CORO2B: variants seen among roughly 807,000 people sequenced by gnomAD.
The protein encoded by CORO2B is coronin-2B.
A neutral mutation model predicts 58.8 loss-of-function variants in CORO2B; 26 were observed. The observed-to-expected ratio is 0.44, with a 90% CI of 0.32 to 0.61. CORO2B has a LOEUF of 0.61. Ranked by LOEUF, CORO2B falls within the 20% of genes least tolerant of loss-of-function variation. The pLI, the probability that CORO2B is intolerant of heterozygous loss-of-function variation, is 0.04. For missense variants in CORO2B, 460 were observed against 645.1 expected (o/e 0.71, Z 3.11); for synonymous variants, 242 against 253.8 (o/e 0.95, Z 0.44).
chr15:68,626,708 C>G (rs750919053), intron 1 of CORO2B, among the ~76,000 whole-genome samples: 8 of 152,192 alleles, frequency 5.3e-5, no homozygotes, highest in Non-Finnish European at 1.2e-4. Flanking sequence ...GCCCCATCAT[C>G]AAGTCCATTT....
intron 3 of CORO2B, among the ~76,000 whole-genome samples, chr15:68,699,754 C>G (rs1416933746): frequency 6.6e-6 from 1 of 152,146 alleles, no homozygotes; most frequent in African/African-American, 2.4e-5. Flanking sequence ...AAGGGAGGTG[C>G]CTTGCCCAAG....
At chr15:68,575,577 G>GCGCCCCCCC (rs370419859), upstream of CORO2B, among the ~76,000 whole-genome samples, 3 of 38,752 alleles carry the variant, frequency 7.7e-5, no homozygotes, top group Non-Finnish European at 1.7e-4. Flanking sequence ...CTTGTGATCT[G>GCGCCCCCCC]CCCCCGCCTC....
At chr15:68,551,506 T>C in the CORO2B span, among the ~76,000 whole-genome samples, 1 of 152,130 alleles carries the variant, frequency 6.6e-6, no homozygotes. Flanking sequence ...TCCTCTTTCC[T>C]GAGGAGTGAA....
chr15:68,555,154 T>C, the CORO2B span, among the ~76,000 whole-genome samples: 2 of 152,164 alleles, frequency 1.3e-5, no homozygotes, highest in African/African-American at 2.4e-5. Flanking sequence ...TTTCCTCCCC[T>C]GCACTGAATG....
At chr15:68,545,515 C>T in the CORO2B span, among the ~76,000 whole-genome samples, 1 of 151,526 alleles carries the variant, frequency 6.6e-6, no homozygotes, top group African/African-American at 2.4e-5. Flanking sequence ...TTGGCCTTCC[C>T]ATCTTCTGGA....
chr15:68,626,834 A>G (rs374080561), intron 1 of CORO2B, among the ~76,000 whole-genome samples: 34 of 152,334 alleles, frequency 2.2e-4, no homozygotes, highest in African/African-American at 8.2e-4. Flanking sequence ...GTCTGGTCAG[A>G]GGCTGGGGCC....
intron 1 of CORO2B, among the ~76,000 whole-genome samples, chr15:68,623,727 C>G (rs536928977): frequency 6.6e-6 from 1 of 152,300 alleles, no homozygotes; most frequent in Non-Finnish European, 1.5e-5. Context: ...GGAGGGCAGG[C>G]AGGGCTGGGT....
At chr15:68,719,057 G>A (rs1285259717) in intron 9 of CORO2B, 87 bp from the exon 10 acceptor site, 9 of 1,100,012 alleles carry the variant, frequency 8.2e-6, no homozygotes, top group Middle Eastern at 2.0e-4. Flanking sequence ...TAGAGTGACT[G>A]GAGATCAGTA....
the CORO2B span, among the ~76,000 whole-genome samples, chr15:68,520,028 CTATG>C: frequency 6.6e-6 from 1 of 152,078 alleles, no homozygotes; most frequent in East Asian, 1.9e-4. Context: ...TTTTTTAAAT[CTATG>C]TATTATATGA....
the CORO2B span, among the ~76,000 whole-genome samples, chr15:68,531,339 A>AAC: frequency 6.6e-6 from 1 of 151,506 alleles, no homozygotes; most frequent in Non-Finnish European, 1.5e-5. Flanking sequence ...AAATACAAAA[A>AAC]ACAAAAAACA....
At chr15:68,690,392 C>A (rs1433184601) in intron 2 of CORO2B, among the ~76,000 whole-genome samples, 2 of 152,072 alleles carry the variant, frequency 1.3e-5, no homozygotes, top group African/African-American at 4.8e-5. Flanking sequence ...TAATTACATG[C>A]CTTTACCACT....
chr15:68,548,699 T>C, the CORO2B span, among the ~76,000 whole-genome samples: 1 of 152,250 alleles, frequency 6.6e-6, no homozygotes, highest in Non-Finnish European at 1.5e-5. Flanking sequence ...TATGAGAGTA[T>C]TAATGTCTCC....
chr15:68,578,072 TG>T (rs1009242845), upstream of CORO2B, among the ~76,000 whole-genome samples: 1 of 152,144 alleles, frequency 6.6e-6, no homozygotes, highest in African/African-American at 2.4e-5. The surrounding 1 kb of genome is among the most constrained non-coding windows in gnomAD (Gnocchi z 4.2). Context: ...CTCAGGTGCT[TG>T]GGAGGGAGAC....
intron 2 of CORO2B, among the ~76,000 whole-genome samples, chr15:68,679,560 G>A (rs1200587045): frequency 2.6e-5 from 4 of 152,178 alleles, no homozygotes; most frequent in Non-Finnish European, 4.4e-5. Flanking sequence ...ACCATTTATC[G>A]AGTGCTTCTG....
chr15:68,715,768 C>A (rs1256877498), intron 8 of CORO2B, among the ~76,000 whole-genome samples: 2 of 152,204 alleles, frequency 1.3e-5, no homozygotes, highest in Non-Finnish European at 2.9e-5. Context: ...GCCCCAAGCT[C>A]CCTAGGCTCT....
intron 2 of CORO2B, among the ~76,000 whole-genome samples, chr15:68,678,926 G>A (rs967908674): frequency 3.9e-5 from 6 of 152,242 alleles, no homozygotes; most frequent in Non-Finnish European, 7.3e-5. Context: ...GGGGACCGCT[G>A]TACTCAGGGT....
chr15:68,656,662 A>G (rs1384830582), intron 2 of CORO2B, among the ~76,000 whole-genome samples: 1 of 151,956 alleles, frequency 6.6e-6, no homozygotes, highest in African/African-American at 2.4e-5. Flanking sequence ...GCTTCCATCT[A>G]CCTAGACAGG....
the CORO2B span, among the ~76,000 whole-genome samples, chr15:68,538,256 G>A: frequency 6.6e-6 from 1 of 152,152 alleles, no homozygotes; most frequent in Non-Finnish European, 1.5e-5. Context: ...TGGAGGAAGA[G>A]GGGAATAGCC....
chr15:68,694,797 G>C lies in CORO2B; in HGVS notation c.217-343G>C, dbSNP rs1038922180. Reference sequence around the variant, plus strand: ...CACCAGGGCTGCTGCCCATCAGGCTGGTCACTCCAGTGGGTAGTAACAGCT... The same window carrying C: ...CACCAGGGCTGCTGCCCATCAGGCTCGTCACTCCAGTGGGTAGTAACAGCT... On this transcript the variant is annotated intron_variant, in intron 2 of 11. Coordinates refer to ENST00000261861, the MANE Select transcript of CORO2B (RefSeq NM_006091.5). Among the ~76,000 whole-genome samples, 4 of 152,096 alleles carry C rather than the reference G, an allele frequency of 2.6e-5. No homozygotes were observed. In the South Asian group the frequency reaches 8.3e-4, roughly 32 times the overall value.
Sources: allele counts gnomAD v4.1 joint callset (sites outside exome capture counted in the v4.1 genomes callset), GRCh38; gene constraint gnomAD v4.1.1; non-coding constraint Gnocchi (gnomAD v3.1); transcripts MANE v1.5; gene names NCBI Gene and HGNC (gene_info 2026-07-23, HGNC 2026-07-21).